Variants in RAB27A observed in about 807,000 individuals in gnomAD.
RAB27A encodes the protein RAB27A, member RAS oncogene family.
In RAB27A, 17 loss-of-function variants were observed where a neutral mutation model predicts 20.8. The observed-to-expected ratio is 0.82, with a 90% CI of 0.56 to 1.23. The LOEUF (loss-of-function observed/expected upper bound fraction) is 1.23, where lower values mean the gene tolerates loss of function less well. Ranked by LOEUF, RAB27A falls within the 50% of genes most tolerant of loss-of-function variation. The pLI, the probability that RAB27A is intolerant of heterozygous loss-of-function variation, is 0.00. For synonymous variants in RAB27A, 85 were observed against 92.8 expected (o/e 0.92, Z 0.48); for missense variants, 277 against 266.7 (o/e 1.04, Z -0.27).
chr15:55,250,609 G>A (rs1444828018), intron 2 of RAB27A, among the ~76,000 whole-genome samples: 1 of 152,180 alleles, frequency 6.6e-6, no homozygotes, highest in Non-Finnish European at 1.5e-5. Flanking sequence ...AGTCAATTGA[G>A]CAATAAAGAA....
At chr15:55,282,887 T>C (rs576052107) in intron 1 of RAB27A, among the ~76,000 whole-genome samples, 2 of 151,820 alleles carry the variant, frequency 1.3e-5, no homozygotes, top group African/African-American at 4.8e-5. Flanking sequence ...CAACTGCAAC[T>C]GCCCATCAGA....
chr15:55,230,251 C>T, intron 4 of RAB27A, 150 bp downstream of exon 4: 1 of 753,360 alleles, frequency 1.3e-6, no homozygotes, highest in Non-Finnish European at 2.4e-6. Context: ...CCATTCTCAT[C>T]TCAGACTTGA....
At chr15:55,307,743 G>A (rs1041756138) in intron 2 of RAB27A, among the ~76,000 whole-genome samples, 1 of 146,864 alleles carries the variant, frequency 6.8e-6, no homozygotes, top group African/African-American at 2.5e-5. Context: ...CTAGTTGCCA[G>A]TCTTCTCTTG....
intron 2 of RAB27A, among the ~76,000 whole-genome samples, chr15:55,309,730 T>C (rs1238456101): frequency 6.6e-6 from 1 of 152,178 alleles, no homozygotes; most frequent in Non-Finnish European, 1.5e-5. Flanking sequence ...AAGGGTTAGG[T>C]ACAGCTGGGT....
At chr15:55,212,463 A>G (rs1011282157) in intron 6 of RAB27A, among the ~76,000 whole-genome samples, 6 of 152,112 alleles carry the variant, frequency 3.9e-5, no homozygotes, top group South Asian at 2.1e-4. Context: ...ACTCCAGACT[A>G]TATTTCTGGA....
intron 5 of RAB27A, among the ~76,000 whole-genome samples, chr15:55,226,696 C>T (rs1042280091): frequency 6.6e-6 from 1 of 151,696 alleles, no homozygotes; most frequent in African/African-American, 2.4e-5. Flanking sequence ...GGGTGAAACC[C>T]CATCTCTACA....
intron 5 of RAB27A, among the ~76,000 whole-genome samples, chr15:55,227,201 G>C (rs1429586036): frequency 1.3e-5 from 2 of 152,096 alleles, no homozygotes; most frequent in African/African-American, 2.4e-5. Context: ...TATCCAACTA[G>C]TTAGCCAGGA....
intron 2 of RAB27A, among the ~76,000 whole-genome samples, chr15:55,298,177 C>T (rs1010987879): frequency 6.7e-6 from 1 of 150,126 alleles, no homozygotes; most frequent in African/African-American, 2.5e-5. Flanking sequence ...TGCACTCCAG[C>T]CTGGATGACA....
At chr15:55,315,320 C>A (rs182718883) in intron 1 of RAB27A, among the ~76,000 whole-genome samples, 36 of 152,188 alleles carry the variant, frequency 2.4e-4, no homozygotes, top group Admixed American at 1.6e-3. Context: ...AGAAGAAAAC[C>A]TAGGCAATAC....
At chr15:55,319,112 G>A (rs566559750) in exon 1 of RAB27A, 4 of 1,018,246 alleles carry the variant, frequency 3.9e-6, no homozygotes, top group Non-Finnish European at 5.6e-6. Flanking sequence ...CACCACGTCG[G>A]GTGGGAGCTA....
chr15:55,219,404 A>G (rs577767306), intron 6 of RAB27A, among the ~76,000 whole-genome samples: 1 of 152,376 alleles, frequency 6.6e-6, no homozygotes, highest in African/African-American at 2.4e-5. Flanking sequence ...GTCCAAAGAA[A>G]ATATCTGCTA....
At chr15:55,311,241 A>G (rs1215807860) in intron 2 of RAB27A, among the ~76,000 whole-genome samples, 1 of 152,218 alleles carries the variant, frequency 6.6e-6, no homozygotes, top group African/African-American at 2.4e-5. Context: ...GTCAGATCAA[A>G]GGACTGTCCT....
chr15:55,228,777 A>G, intron 4 of RAB27A, 65 bp from the exon 5 acceptor site: 1 of 1,110,572 alleles, frequency 9.0e-7, no homozygotes, highest in Non-Finnish European at 1.4e-6. Context: ...TAAAACTACA[A>G]GCAATGCCTT....
At chr15:55,237,327 A>G (rs777369173) in intron 2 of RAB27A, 1 of 152,006 alleles carries the variant, frequency 6.6e-6, no homozygotes, top group Non-Finnish European at 1.5e-5. Context: ...TTATGCTGAA[A>G]ACTCCTGAAT....
At position 55,209,946 on chromosome 15, in the gene RAB27A, A is replaced by G. The variant is rs1182450611; in HGVS notation, c.468-4241T>C. Among the ~76,000 whole-genome samples, 5 of 121,558 alleles carry G rather than the reference A, an allele frequency of 4.1e-5. 1 individual carries two copies. The highest frequency in any genetic ancestry group is 6.6e-5 in the Non-Finnish European group (4 of 60,410). The allele number at this position is 121,558 out of a possible 152,430, so 79.7% of individuals were successfully genotyped here. On this transcript the variant is annotated intron_variant, in intron 6 of 6. Transcript: ENST00000336787. ...CACACATATATGTATGTACATGTAC[A>G]CACATACGCATATATGTGCGTATGT...
At chr15:55,305,165 G>A (rs957811033) in intron 2 of RAB27A, among the ~76,000 whole-genome samples, 2 of 152,190 alleles carry the variant, frequency 1.3e-5, no homozygotes, top group African/African-American at 4.8e-5. Flanking sequence ...TAGGCTTAGG[G>A]ATGCTTAGTC....
intron 1 of RAB27A, among the ~76,000 whole-genome samples, chr15:55,287,468 C>T (rs2141131791): frequency 1.3e-5 from 2 of 152,264 alleles, no homozygotes; most frequent in Admixed American, 1.3e-4. Context: ...ATGTGGAAGG[C>T]CAGGCATGGT....
At chr15:55,228,508 A>G in intron 5 of RAB27A, 101 bp downstream of exon 5, 2 of 917,346 alleles carry the variant, frequency 2.2e-6, no homozygotes, top group Non-Finnish European at 3.6e-6. Context: ...TTGCACTAAG[A>G]TCTCCTCCAA....
rs1200705732 is a variant in RAB27A, at chr15:55,289,791, T to A, written c.-218A>T. On this transcript the variant is annotated 5_prime_UTR_variant, in exon 1 of 7. Transcript: ENST00000336787. ...GCGTCCACCCGCCGCCGGCCTTTTT[T>A]GGGTCGTTGGCGGGTATTTTCCGCC... The A allele has an allele frequency of 4.6e-5, 7 of 152,932 alleles. No individual in the cohort carries two copies. Among genetic ancestry groups the A allele is most frequent in the African/African-American group, 1.4e-4 (6 of 41,572 alleles). 9.5% of individuals were successfully genotyped at this position (152,932 alleles called of 1,614,324 possible).
Sources: allele counts gnomAD v4.1 joint callset (sites outside exome capture counted in the v4.1 genomes callset), GRCh38; gene constraint gnomAD v4.1.1; transcripts MANE v1.5; gene names NCBI Gene and HGNC (gene_info 2026-07-23, HGNC 2026-07-21).